AGPAT3: variants seen among roughly 807,000 people sequenced by gnomAD.
AGPAT3 encodes the protein 1-acyl-sn-glycerol-3-phosphate acyltransferase gamma.
Under a neutral mutation model 47.3 loss-of-function variants are expected in AGPAT3, and 5 were observed. The observed-to-expected ratio is 0.11, with a 90% CI of 0.06 to 0.22. The LOEUF is 0.22. AGPAT3 is among the 10% of genes least tolerant of loss of function. The pLI, the probability that AGPAT3 is intolerant of heterozygous loss-of-function variation, is 1.00. For synonymous variants in AGPAT3, 212 were observed against 208.3 expected (o/e 1.02, Z -0.15); for missense variants, 315 against 493.0 (o/e 0.64, Z 3.42).
chr21:43,957,989 C>T (rs575318201), intron 2 of AGPAT3, among the ~76,000 whole-genome samples: 9 of 152,342 alleles, frequency 5.9e-5, no homozygotes, highest in African/African-American at 1.9e-4. Flanking sequence ...GAAACCAGAA[C>T]AGAAATCTTT....
At chr21:43,941,717 T>C (rs1055637339) in intron 2 of AGPAT3, among the ~76,000 whole-genome samples, 1 of 152,198 alleles carries the variant, frequency 6.6e-6, no homozygotes, top group Non-Finnish European at 1.5e-5. Flanking sequence ...ACGGGGGCCA[T>C]GTATACAGGG....
intron 1 of AGPAT3, among the ~76,000 whole-genome samples, chr21:43,884,763 G>C (rs1419322287): frequency 6.6e-6 from 1 of 152,126 alleles, no homozygotes; most frequent in Non-Finnish European, 1.5e-5. Flanking sequence ...TGGGTGCTGG[G>C]TGGCCTGGTG....
chr21:43,931,636 G>A (rs1306090537), intron 2 of AGPAT3, among the ~76,000 whole-genome samples: 1 of 152,068 alleles, frequency 6.6e-6, no homozygotes, highest in African/African-American at 2.4e-5. Context: ...CGACTCCCAG[G>A]CAGAGAACTG....
chr21:43,907,093 G>A (rs891698327), intron 2 of AGPAT3, among the ~76,000 whole-genome samples: 8 of 146,702 alleles, frequency 5.5e-5, no homozygotes, highest in Admixed American at 2.8e-4. Context: ...GCTCAATGAC[G>A]CGATCTCAGG....
chr21:43,897,679 G>A (rs1414053388), intron 1 of AGPAT3, among the ~76,000 whole-genome samples: 1 of 151,840 alleles, frequency 6.6e-6, no homozygotes, highest in East Asian at 1.9e-4. Flanking sequence ...GGGCAGAGGG[G>A]CTCCTCCCAT....
rs746300800 is a variant in AGPAT3 at position 43,982,405 on chromosome 21, A to G, written c.*13A>G. 6.3e-7 allele frequency: 1 copy of G among 1,597,944 alleles called. No homozygotes were observed. The highest frequency in any genetic ancestry group is 1.1e-5 in the South Asian group (1 of 90,740). ...GAAAAAGGAATAATTAATGGCTGTGACTGAACACACGCGGCCCTGACGGTG... is the reference window on the plus strand; with the variant it reads ...GAAAAAGGAATAATTAATGGCTGTGGCTGAACACACGCGGCCCTGACGGTG... On this transcript the variant is annotated 3_prime_UTR_variant, in exon 10 of 10. Transcript: ENST00000291572. This position sits in a 1 kb window ranked among gnomAD's most constrained non-coding sequence, Gnocchi z 6.2.
intron 3 of AGPAT3, among the ~76,000 whole-genome samples, chr21:43,961,293 CTT>C (rs1474206913): frequency 6.6e-6 from 1 of 152,252 alleles, no homozygotes; most frequent in African/African-American, 2.4e-5. Flanking sequence ...CGCATAGACA[CTT>C]CGTCTCATAT....
At chr21:43,899,693 C>T (rs772501213) in intron 1 of AGPAT3, among the ~76,000 whole-genome samples, 4 of 152,166 alleles carry the variant, frequency 2.6e-5, no homozygotes, top group East Asian at 3.8e-4. Context: ...TGCTCCCCAC[C>T]GCTGAGGATC....
chr21:43,968,648 C>T (rs2089258782), intron 4 of AGPAT3, among the ~76,000 whole-genome samples: 1 of 152,028 alleles, frequency 6.6e-6, no homozygotes, highest in African/African-American at 2.4e-5. Flanking sequence ...GGGGCCCTGG[C>T]CCGCAGGGCC....
At chr21:43,940,152 C>A (rs925690720) in intron 2 of AGPAT3, among the ~76,000 whole-genome samples, 1 of 152,228 alleles carries the variant, frequency 6.6e-6, no homozygotes, top group Non-Finnish European at 1.5e-5. Context: ...CTAATCCCTC[C>A]GCTTGAGCTC....
chr21:43,930,823 C>T lies in AGPAT3; in HGVS notation c.-49+26804C>T, dbSNP rs180994446. Among the ~76,000 whole-genome samples the T allele has an allele frequency of 1.2e-4, 18 of 152,274 alleles. No individual in the cohort carries two copies. The highest frequency in any genetic ancestry group is 9.8e-4 in the Admixed American group (15 of 15,300). On this transcript the variant is annotated intron_variant, in intron 2 of 9. Coordinates refer to ENST00000291572, the MANE Select transcript of AGPAT3 (RefSeq NM_020132.5). The surrounding 1 kb of genome is among the most constrained non-coding windows in gnomAD (Gnocchi z 5.0). Reference sequence around the variant, plus strand: ...GGGTGGCCCACGGCAGGCCAGTGTGCGGTCCTCAAGCTGCTGGTGACAAAC... The same window carrying T: ...GGGTGGCCCACGGCAGGCCAGTGTGTGGTCCTCAAGCTGCTGGTGACAAAC...
intron 2 of AGPAT3, chr21:43,950,825 G>A (rs942270814): frequency 5.9e-5 from 9 of 152,426 alleles, no homozygotes; most frequent in East Asian, 1.9e-4. Context: ...TCCACGCTGC[G>A]TTTAAAGCGG....
At chr21:43,904,076 GT>G (rs1412897441) in intron 2 of AGPAT3, 57 bp downstream of exon 2, 5 of 123,272 alleles carry the variant, frequency 4.1e-5, no homozygotes, top group Non-Finnish European at 8.1e-5. Flanking sequence ...GTGTGTGTGT[GT>G]GTGTGTGTGT....
intron 2 of AGPAT3, among the ~76,000 whole-genome samples, chr21:43,944,773 G>A (rs1393950372): frequency 1.3e-5 from 2 of 152,214 alleles, no homozygotes; most frequent in Non-Finnish European, 2.9e-5. Flanking sequence ...GGGAGCCCAG[G>A]AGGAGGTCAA....
At chr21:43,945,027 G>A (rs2087823903) in intron 2 of AGPAT3, among the ~76,000 whole-genome samples, 1 of 152,232 alleles carries the variant, frequency 6.6e-6, no homozygotes, top group Admixed American at 6.5e-5. Flanking sequence ...TTTCTCAGAA[G>A]CCCAGAGGGA....
At chr21:43,909,672 T>C (rs1317901745) in intron 2 of AGPAT3, among the ~76,000 whole-genome samples, 1 of 152,202 alleles carries the variant, frequency 6.6e-6, no homozygotes, top group Non-Finnish European at 1.5e-5. Context: ...CCGACGGTGC[T>C]GTTCCATCAT....
intron 2 of AGPAT3, among the ~76,000 whole-genome samples, chr21:43,927,896 G>A (rs2087108372): frequency 6.6e-6 from 1 of 152,204 alleles, no homozygotes; most frequent in African/African-American, 2.4e-5. Flanking sequence ...ACGTGCCTGG[G>A]GACAGGTACC....
chr21:43,967,911 T>A, intron 3 of AGPAT3, 35 bp from the exon 4 acceptor site: 1 of 1,602,094 alleles, frequency 6.2e-7, no homozygotes, highest in East Asian at 2.2e-5. Context: ...GGAGGAGGGG[T>A]CCTACCAGTG....
chr21:43,946,337 C>T (rs1199161132), intron 2 of AGPAT3, among the ~76,000 whole-genome samples: 2 of 151,920 alleles, frequency 1.3e-5, no homozygotes, highest in African/African-American at 2.4e-5. Context: ...CAGTGGCTCA[C>T]GCCTATAATC....
Sources: gnomAD v4.1 joint callset for allele counts (sites outside exome capture counted in the v4.1 genomes callset) on GRCh38, gnomAD v4.1.1 for gene constraint, Gnocchi (gnomAD v3.1) non-coding constraint, MANE v1.5 for transcripts, NCBI Gene and HGNC (gene_info 2026-07-23, HGNC 2026-07-21) for gene names.